SLC39A11: variants seen among roughly 807,000 people sequenced by gnomAD.
SLC39A11 encodes solute carrier family 39 member 11, also known as zinc transporter ZIP11.
A neutral mutation model predicts 36.1 loss-of-function variants in SLC39A11; 33 were observed. The observed-to-expected ratio is 0.91, with a 90% confidence interval of 0.69 to 1.22. The LOEUF is 1.22. Ranked by LOEUF, SLC39A11 falls within the 50% of genes most tolerant of loss-of-function variation. The pLI is 0.00. For synonymous variants in SLC39A11, 166 were observed against 170.3 expected, an observed-to-expected ratio of 0.97 and a Z score of 0.20; for missense variants, 432 against 430.3, an observed-to-expected ratio of 1.00 and a Z score of -0.03.
intron 3 of SLC39A11, among the ~76,000 whole-genome samples, chr17:73,041,579 G>A (rs1175147825): frequency 6.6e-6 from 1 of 152,238 alleles, no homozygotes. Context: ...GAAAACAGGA[G>A]AAAAAGTGAT....
At chr17:72,814,165 A>G (rs1368563116) in intron 6 of SLC39A11, among the ~76,000 whole-genome samples, 2 of 152,190 alleles carry the variant, frequency 1.3e-5, no homozygotes, top group African/African-American at 4.8e-5. Flanking sequence ...CCACCTTTCA[A>G]GTACTCAAAA....
intron 6 of SLC39A11, chr17:72,817,976 G>A (rs1868721046): frequency 6.6e-6 from 1 of 152,192 alleles, no homozygotes; most frequent in African/African-American, 2.4e-5. Flanking sequence ...GCCAAGCAAA[G>A]AGGGAAAAGC....
intron 4 of SLC39A11, among the ~76,000 whole-genome samples, chr17:72,997,820 G>A (rs2089606775): frequency 6.6e-6 from 1 of 152,110 alleles, no homozygotes; most frequent in Non-Finnish European, 1.5e-5. Flanking sequence ...CAACTGTCAC[G>A]ACTTCATGGT....
chr17:72,840,501 G>A (rs1464753906), intron 6 of SLC39A11, among the ~76,000 whole-genome samples: 2 of 152,236 alleles, frequency 1.3e-5, no homozygotes, highest in Non-Finnish European at 2.9e-5. Flanking sequence ...GCTCACACCT[G>A]TAATCCCAGC....
At chr17:72,990,614 G>C (rs1362675115) in intron 4 of SLC39A11, among the ~76,000 whole-genome samples, 1 of 152,090 alleles carries the variant, frequency 6.6e-6, no homozygotes, top group Non-Finnish European at 1.5e-5. Flanking sequence ...TTTTAGTAGA[G>C]ACAGGGTTTC....
intron 3 of SLC39A11, among the ~76,000 whole-genome samples, chr17:73,081,175 A>G (rs1296039787): frequency 6.6e-6 from 1 of 152,114 alleles, no homozygotes; most frequent in Non-Finnish European, 1.5e-5. Flanking sequence ...TGAATGGACA[A>G]TTCTCAAATG....
chr17:72,654,029 A>ATG (rs1287112053), intron 7 of SLC39A11, among the ~76,000 whole-genome samples: 1 of 152,174 alleles, frequency 6.6e-6, no homozygotes, highest in Admixed American at 6.5e-5. Context: ...TGTGTTTAAA[A>ATG]TGTGCGTGTG....
intron 5 of SLC39A11, among the ~76,000 whole-genome samples, chr17:72,881,629 T>G (rs2081199232): frequency 1.3e-5 from 2 of 152,242 alleles, no homozygotes; most frequent in Admixed American, 1.3e-4. Context: ...TTTTTTTTAC[T>G]AAGTAGTTCA....
intron 5 of SLC39A11, among the ~76,000 whole-genome samples, chr17:72,893,659 C>T (rs1045390858): frequency 3.9e-5 from 6 of 152,034 alleles, no homozygotes; most frequent in Non-Finnish European, 5.9e-5. Flanking sequence ...TAGGGAGGGC[C>T]TTAATTTGCT....
chr17:72,742,956 C>G (rs2074773175), intron 6 of SLC39A11, among the ~76,000 whole-genome samples: 1 of 152,142 alleles, frequency 6.6e-6, no homozygotes, highest in African/African-American at 2.4e-5. Flanking sequence ...AAAGGAGAAG[C>G]CATGTTTTCA....
intron 4 of SLC39A11, among the ~76,000 whole-genome samples, chr17:73,024,528 G>A (rs774684846): frequency 1.3e-5 from 2 of 152,092 alleles, no homozygotes; most frequent in Non-Finnish European, 2.9e-5. Flanking sequence ...TCGTGAACTA[G>A]AATCAGAATG....
At chr17:72,809,004 T>C (rs920921248) in intron 6 of SLC39A11, among the ~76,000 whole-genome samples, 1 of 152,214 alleles carries the variant, frequency 6.6e-6, no homozygotes. Flanking sequence ...CTTTCTCTAC[T>C]GAAACAACAT....
intron 4 of SLC39A11, among the ~76,000 whole-genome samples, chr17:72,990,620 G>A (rs1188428016): frequency 6.6e-6 from 1 of 152,078 alleles, no homozygotes; most frequent in African/African-American, 2.4e-5. Flanking sequence ...TAGAGACAGG[G>A]TTTCACCATG....
intron 4 of SLC39A11, among the ~76,000 whole-genome samples, chr17:72,963,347 T>C (rs113754837): frequency 0.087 from 13,210 of 151,744 alleles, 818 homozygotes; most frequent in African/African-American, 0.17. Flanking sequence ...ATTTTTTGTA[T>C]TTTTAGTAGA....
intron 6 of SLC39A11, among the ~76,000 whole-genome samples, chr17:72,774,487 G>A (rs2076063721): frequency 6.6e-6 from 1 of 152,192 alleles, no homozygotes; most frequent in South Asian, 2.1e-4. Context: ...TAGCTCCAGA[G>A]CAGCATGTAA....
intron 6 of SLC39A11, among the ~76,000 whole-genome samples, chr17:72,756,638 T>C (rs563569874): frequency 1.6e-4 from 25 of 152,360 alleles, no homozygotes; most frequent in Non-Finnish European, 1.3e-4. Context: ...AGTGGGCATG[T>C]GGATACTGCT....
intron 7 of SLC39A11, among the ~76,000 whole-genome samples, chr17:72,678,268 G>A (rs563375057): frequency 6.6e-6 from 1 of 152,280 alleles, no homozygotes; most frequent in East Asian, 1.9e-4. Flanking sequence ...GGGGAGTTCA[G>A]GAACTGAATC....
intron 6 of SLC39A11, among the ~76,000 whole-genome samples, chr17:72,759,983 CTTGT>C (rs1472069114): frequency 6.6e-6 from 1 of 152,044 alleles, no homozygotes; most frequent in Non-Finnish European, 1.5e-5. Context: ...GTCATGGAAT[CTTGT>C]TTGTTTTTTT....
intron 7 of SLC39A11, among the ~76,000 whole-genome samples, chr17:72,652,137 G>A (rs1199738735): frequency 1.3e-5 from 2 of 152,118 alleles, no homozygotes; most frequent in Non-Finnish European, 2.9e-5. Context: ...AAACCATTGA[G>A]TGTGGCTGTG....
Sources: gnomAD v4.1 joint callset for allele counts (sites outside exome capture counted in the v4.1 genomes callset) on GRCh38, gnomAD v4.1.1 for gene constraint, MANE v1.5 for transcripts, NCBI Gene and HGNC (gene_info 2026-07-23, HGNC 2026-07-21) for gene names.